PDE4D: variants seen among roughly 807,000 people sequenced by gnomAD.
The protein encoded by PDE4D is phosphodiesterase 4D.
Under a neutral mutation model 87.4 loss-of-function variants are expected in PDE4D, and 24 were observed. That is an observed-to-expected ratio of 0.27 (90% CI 0.20 to 0.39). The LOEUF (loss-of-function observed/expected upper bound fraction) is 0.39, where lower values mean the gene tolerates loss of function less well. Among genes scored for constraint, PDE4D ranks in the 10% least tolerant of loss-of-function variants. PDE4D has a pLI of 1.00. For synonymous variants in PDE4D, 384 were observed against 383.2 expected, an observed-to-expected ratio of 1.00 and a Z score of -0.02; for missense variants, 714 against 1,041.0, an observed-to-expected ratio of 0.69 and a Z score of 4.32.
At chr5:59,307,940 A>G (rs1771739361) in intron 1 of PDE4D, among the ~76,000 whole-genome samples, 1 of 152,194 alleles carries the variant, frequency 6.6e-6, no homozygotes, top group Non-Finnish European at 1.5e-5. Context: ...TATTCACAAT[A>G]GCAAAGACTT....
chr5:59,588,432 C>T (rs1245118739), intron 1 of PDE4D, among the ~76,000 whole-genome samples: 2 of 152,076 alleles, frequency 1.3e-5, no homozygotes, highest in Non-Finnish European at 2.9e-5. Context: ...ATTAATATAC[C>T]ACTTTTAACT....
At chr5:59,203,632 C>T (rs945524498) in intron 2 of PDE4D, among the ~76,000 whole-genome samples, 3 of 152,034 alleles carry the variant, frequency 2.0e-5, no homozygotes, top group African/African-American at 7.3e-5. Context: ...TATACACACA[C>T]ACACACACAC....
chr5:60,174,883 C>G (rs1783778443), intron 2 of PDE4D, among the ~76,000 whole-genome samples: 1 of 152,016 alleles, frequency 6.6e-6, no homozygotes, highest in Admixed American at 6.6e-5. Context: ...TATAACATGA[C>G]TCTGCACGTG....
chr5:59,487,115 A>C (rs1202970118), intron 1 of PDE4D, among the ~76,000 whole-genome samples: 1 of 152,198 alleles, frequency 6.6e-6, no homozygotes, highest in Admixed American at 6.5e-5. Flanking sequence ...AACTGAAACA[A>C]GCAAACAAAA....
intron 1 of PDE4D, among the ~76,000 whole-genome samples, chr5:59,737,998 T>C (rs574935203): frequency 2.0e-5 from 3 of 152,170 alleles, no homozygotes; most frequent in African/African-American, 7.2e-5. Context: ...TATCAGTTCG[T>C]ATTATACATT....
intron 1 of PDE4D, among the ~76,000 whole-genome samples, chr5:59,593,517 A>C (rs534482052): frequency 6.6e-6 from 1 of 152,224 alleles, no homozygotes; most frequent in African/African-American, 2.4e-5. Context: ...TCCAGCTTTC[A>C]GTTCCTCACA....
intron 1 of PDE4D, among the ~76,000 whole-genome samples, chr5:59,436,779 C>G (rs1418162972): frequency 6.6e-6 from 1 of 152,136 alleles, no homozygotes; most frequent in African/African-American, 2.4e-5. Context: ...AGCGGTTTCT[C>G]TCAAAATATT....
At chr5:59,092,936 T>C (rs551739459) in intron 5 of PDE4D, among the ~76,000 whole-genome samples, 1 of 151,958 alleles carries the variant, frequency 6.6e-6, no homozygotes, top group South Asian at 2.1e-4. Context: ...GGATTTCCAG[T>C]AAGAGAGGGT....
chr5:59,315,487 G>A (rs1227172354), intron 1 of PDE4D, among the ~76,000 whole-genome samples: 1 of 152,110 alleles, frequency 6.6e-6, no homozygotes, highest in Non-Finnish European at 1.5e-5. Context: ...GTTAGGGTAG[G>A]TAGATAGGTG....
At chr5:59,761,995 C>T (rs536959859) in intron 1 of PDE4D, among the ~76,000 whole-genome samples, 20 of 152,174 alleles carry the variant, frequency 1.3e-4, no homozygotes, top group Non-Finnish European at 2.4e-4. Context: ...TGGAATTTTT[C>T]TGGTCCGTTA....
intron 2 of PDE4D, among the ~76,000 whole-genome samples, chr5:60,005,496 A>G (rs1403038278): frequency 1.3e-5 from 2 of 152,050 alleles, no homozygotes; most frequent in African/African-American, 2.4e-5. Flanking sequence ...ATACACACAC[A>G]TACATACATA....
At chr5:59,594,434 C>T (rs1281898699) in intron 1 of PDE4D, among the ~76,000 whole-genome samples, 1 of 151,932 alleles carries the variant, frequency 6.6e-6, no homozygotes, top group Admixed American at 6.6e-5. Flanking sequence ...AATTCTCCTG[C>T]CTCAGCCTCC....
At chr5:60,170,872 A>G (rs1302795652) in intron 2 of PDE4D, among the ~76,000 whole-genome samples, 1 of 152,036 alleles carries the variant, frequency 6.6e-6, no homozygotes, top group Non-Finnish European at 1.5e-5. Flanking sequence ...TTTAAAGAGG[A>G]GAAAAAGCTG....
In PDE4D at chr5:59,502,082, G is replaced by T. The variant is rs1372100282; in HGVS notation, c.456-286114C>A. On this transcript the variant is annotated intron_variant, in intron 1 of 14. Transcript: ENST00000340635. The stretch of plus-strand genomic sequence containing the variant: ...AATTATAATCTCCCTAAAGATTCAT[G>T]CCATGGTTTCTTTACCTTTATATCC... Among the ~76,000 whole-genome samples the T allele has an allele frequency of 3.3e-5, 5 of 152,194 alleles. No individual in the cohort carries two copies. In the East Asian group the frequency reaches 9.7e-4, roughly 29 times the overall value.
chr5:59,283,736 C>G (rs1428217731), intron 1 of PDE4D, among the ~76,000 whole-genome samples: 1 of 152,150 alleles, frequency 6.6e-6, no homozygotes, highest in Non-Finnish European at 1.5e-5. Context: ...TAAAGCCCAA[C>G]TAACTCCAAG....
chr5:59,721,013 T>G (rs901902630), intron 1 of PDE4D, among the ~76,000 whole-genome samples: 4 of 152,154 alleles, frequency 2.6e-5, no homozygotes, highest in African/African-American at 9.7e-5. Context: ...ACCCAGCAGT[T>G]TTAACCTTAA....
At chr5:60,388,354 T>C (rs1156934388) in intron 1 of PDE4D, among the ~76,000 whole-genome samples, 2 of 152,054 alleles carry the variant, frequency 1.3e-5, no homozygotes, top group Non-Finnish European at 2.9e-5. Context: ...CTTTCTGGAA[T>C]GAGGGTATTT....
intron 3 of PDE4D, among the ~76,000 whole-genome samples, chr5:59,188,739 T>A: frequency 6.6e-6 from 1 of 152,186 alleles, no homozygotes; most frequent in East Asian, 1.9e-4. Flanking sequence ...GGAGTCAAGT[T>A]ATGCTTATTT....
intron 3 of PDE4D, among the ~76,000 whole-genome samples, chr5:59,985,133 T>TA (rs1762305413): frequency 8.9e-6 from 1 of 112,254 alleles, no homozygotes; most frequent in Non-Finnish European, 2.1e-5. Context: ...CGTTTTTTGT[T>TA]TTTTGTTTTT....
Sources: gnomAD v4.1 joint callset for allele counts (sites outside exome capture counted in the v4.1 genomes callset) on GRCh38, gnomAD v4.1.1 for gene constraint, MANE v1.5 for transcripts, NCBI Gene and HGNC (gene_info 2026-07-23, HGNC 2026-07-21) for gene names.